Variants in CNGA1 observed in about 807,000 individuals in gnomAD.
CNGA1 encodes cyclic nucleotide-gated channel alpha-1.
A neutral mutation model predicts 69.7 loss-of-function variants in CNGA1; 53 were observed. The ratio of observed to expected loss-of-function variants is 0.76; its 90% CI spans 0.61 to 0.96. The LOEUF (loss-of-function observed/expected upper bound fraction) is 0.96. CNGA1 is among the 40% of genes least tolerant of loss of function. The pLI is 0.00. For missense variants in CNGA1, 739 were observed against 811.2 expected (o/e 0.91, Z 1.08); for synonymous variants, 249 against 283.5 (o/e 0.88, Z 1.22).
At chr4:47,956,894 T>C (rs1453785551) in intron 3 of CNGA1, among the ~76,000 whole-genome samples, 20 of 152,186 alleles carry the variant, frequency 1.3e-4, no homozygotes, top group Admixed American at 1.3e-3. Flanking sequence ...ATATCTACAT[T>C]ATAATAAATT....
At chr4:48,014,272 C>A (rs1045497271) in intron 1 of CNGA1, among the ~76,000 whole-genome samples, 1 of 152,048 alleles carries the variant, frequency 6.6e-6, no homozygotes, top group Non-Finnish European at 1.5e-5. Flanking sequence ...GGTACTATAA[C>A]GGTATTCCCC....
At chr4:47,976,181 A>C (rs1741357294) in intron 3 of CNGA1, among the ~76,000 whole-genome samples, 1 of 41,656 alleles carries the variant, frequency 2.4e-5, no homozygotes, top group South Asian at 6.8e-4. Context: ...ACACATACAT[A>C]TATATATACA....
At chr4:47,973,984 A>G (rs891269609) in intron 3 of CNGA1, among the ~76,000 whole-genome samples, 2 of 151,934 alleles carry the variant, frequency 1.3e-5, no homozygotes, top group African/African-American at 4.8e-5. Flanking sequence ...TTTGAGCCCA[A>G]GAGTTCGAGA....
At chr4:47,980,472 C>CTTTTTTTT (rs5858098) in intron 3 of CNGA1, among the ~76,000 whole-genome samples, 33 of 112,366 alleles carry the variant, frequency 2.9e-4, no homozygotes, top group East Asian at 5.1e-4. Flanking sequence ...TTCTTTCTTT[C>CTTTTTTTT]TTTTTTTTTT....
intron 10 of CNGA1, among the ~76,000 whole-genome samples, chr4:47,939,778 T>C (rs933316034): frequency 6.6e-6 from 1 of 152,210 alleles, no homozygotes; most frequent in African/African-American, 2.4e-5. Flanking sequence ...CATAGTAACA[T>C]ACAATGGGTT....
chr4:47,942,359 GTTTTTTT>G (rs201657712), intron 8 of CNGA1, among the ~76,000 whole-genome samples: 9 of 123,320 alleles, frequency 7.3e-5, no homozygotes, highest in Non-Finnish European at 1.0e-4. Flanking sequence ...AAAACTACCA[GTTTTTTT>G]TTTTTTTTTT....
At chr4:48,004,511 C>T (rs758284197) in intron 2 of CNGA1, among the ~76,000 whole-genome samples, 3 of 152,112 alleles carry the variant, frequency 2.0e-5, no homozygotes, top group South Asian at 2.1e-4. Flanking sequence ...GAAGAAAATG[C>T]GTCTCTAGTC....
chr4:47,975,746 G>T (rs891174843), intron 3 of CNGA1, among the ~76,000 whole-genome samples: 1 of 151,902 alleles, frequency 6.6e-6, no homozygotes, highest in African/African-American at 2.4e-5. Context: ...TGATCCTGGG[G>T]CATCACAAGA....
chr4:48,013,720 C>G (rs920671071), intron 1 of CNGA1, among the ~76,000 whole-genome samples: 1 of 152,144 alleles, frequency 6.6e-6, no homozygotes, highest in Non-Finnish European at 1.5e-5. Flanking sequence ...TATTGATTTT[C>G]TTTCACAACT....
intron 2 of CNGA1, among the ~76,000 whole-genome samples, chr4:48,001,020 G>A (rs535329552): frequency 6.6e-5 from 10 of 152,088 alleles, no homozygotes; most frequent in Non-Finnish European, 1.5e-4. Flanking sequence ...TATAAAATAT[G>A]TACTCAGACT....
intron 2 of CNGA1, among the ~76,000 whole-genome samples, chr4:47,999,160 AT>A (rs1714543508): frequency 7.9e-5 from 12 of 152,240 alleles, no homozygotes; most frequent in Admixed American, 7.9e-4. Flanking sequence ...CTTAAAGTAT[AT>A]TGTTATAATT....
At chr4:47,959,377 T>G (rs1452665696) in intron 3 of CNGA1, among the ~76,000 whole-genome samples, 5 of 152,158 alleles carry the variant, frequency 3.3e-5, no homozygotes, top group Non-Finnish European at 5.9e-5. Context: ...CTTGAAAACC[T>G]TGTGGCCTGA....
At chr4:47,945,045 G>A (rs1219576227) in intron 6 of CNGA1, among the ~76,000 whole-genome samples, 1 of 152,042 alleles carries the variant, frequency 6.6e-6, no homozygotes, top group Non-Finnish European at 1.5e-5. Context: ...TTAGGAGGTT[G>A]AGGGCAACTT....
chr4:47,941,396 G>A (rs1049398312), intron 9 of CNGA1, among the ~76,000 whole-genome samples: 4 of 152,140 alleles, frequency 2.6e-5, no homozygotes, highest in Non-Finnish European at 5.9e-5. Context: ...CACCAGGTTC[G>A]TATTGACTAT....
At chr4:48,005,105 A>ATTATTTATTTATTTAT (rs58158986) in intron 2 of CNGA1, among the ~76,000 whole-genome samples, 53 of 145,488 alleles carry the variant, frequency 3.6e-4, no homozygotes, top group African/African-American at 1.2e-3. Context: ...TTGCTTTTTT[A>ATTATTTATTTATTTAT]TTATTTATTT....
chr4:47,964,742 T>C (rs1740632141), intron 3 of CNGA1, among the ~76,000 whole-genome samples: 2 of 152,138 alleles, frequency 1.3e-5, no homozygotes, highest in African/African-American at 4.8e-5. Flanking sequence ...GAATTTGCAT[T>C]AAAATCATAG....
intron 2 of CNGA1, among the ~76,000 whole-genome samples, chr4:47,993,119 C>T (rs374664024): frequency 9.9e-5 from 15 of 152,044 alleles, no homozygotes; most frequent in African/African-American, 3.1e-4. Flanking sequence ...TTAGCATCTA[C>T]GTTCATCAGG....
chr4:48,010,628 C>G (rs1032216738), intron 2 of CNGA1, among the ~76,000 whole-genome samples, 166 bp downstream of exon 2: 8 of 152,168 alleles, frequency 5.3e-5, no homozygotes, highest in African/African-American at 1.9e-4. Context: ...TGTTATAGCT[C>G]TATTAGAAGC....
At chr4:47,968,337 C>G (rs1740837903) in intron 3 of CNGA1, among the ~76,000 whole-genome samples, 1 of 151,696 alleles carries the variant, frequency 6.6e-6, no homozygotes, top group Non-Finnish European at 1.5e-5. Context: ...TTTTTTTAAT[C>G]TTTTTCAGCT....
Sources: gnomAD v4.1 joint callset for allele counts (sites outside exome capture counted in the v4.1 genomes callset) on GRCh38, gnomAD v4.1.1 for gene constraint, MANE v1.5 for transcripts, NCBI Gene and HGNC (gene_info 2026-07-23, HGNC 2026-07-21) for gene names.